PCSK5: variants seen among roughly 807,000 people sequenced by gnomAD.
The protein encoded by PCSK5 is proprotein convertase subtilisin/kexin type 5, also known as prohormone convertase 5.
PCSK5 carries 129 observed loss-of-function variants against 233.2 expected under a neutral mutation model. The observed-to-expected ratio is 0.55, with a 90% CI of 0.48 to 0.64. PCSK5 has a LOEUF of 0.64. Among genes scored for constraint, PCSK5 ranks in the 30% least tolerant of loss-of-function variants. The probability of loss-of-function intolerance (pLI) is 0.00; values close to 1 mark genes in which losing one functional copy is unlikely to be tolerated. For missense variants in PCSK5, 2,076 were observed against 2,430.1 expected, an observed-to-expected ratio of 0.85 and a Z score of 3.06; for synonymous variants, 825 against 879.2, an observed-to-expected ratio of 0.94 and a Z score of 1.09.
chr9:76,199,267 G>A (rs1205176610), intron 20 of PCSK5, among the ~76,000 whole-genome samples: 5 of 152,160 alleles, frequency 3.3e-5, no homozygotes, highest in Admixed American at 1.3e-4. Flanking sequence ...GCATGTTACC[G>A]TACTGAATAC....
chr9:76,046,170 T>G (rs904647138), intron 5 of PCSK5, among the ~76,000 whole-genome samples: 14 of 73,226 alleles, frequency 1.9e-4, no homozygotes, highest in South Asian at 9.7e-4. Context: ...GTTTTTTTTT[T>G]TTTTTTTTTT....
intron 24 of PCSK5, among the ~76,000 whole-genome samples, chr9:76,272,922 C>T (rs574919934): frequency 6.6e-6 from 1 of 151,880 alleles, no homozygotes; most frequent in East Asian, 1.9e-4. Context: ...ACTTCTTACT[C>T]TAGCTACCCC....
chr9:76,214,055 G>A (rs868581580), intron 20 of PCSK5, among the ~76,000 whole-genome samples: 2 of 152,116 alleles, frequency 1.3e-5, no homozygotes, highest in Non-Finnish European at 2.9e-5. Context: ...CCTGTCCTCG[G>A]GGAAGAGTAT....
chr9:76,282,505 A>C (rs1827914076), intron 24 of PCSK5, among the ~76,000 whole-genome samples: 1 of 148,568 alleles, frequency 6.7e-6, no homozygotes, highest in African/African-American at 2.5e-5. Flanking sequence ...TTTTGTAGAA[A>C]TAGAGTCTCC....
intron 1 of PCSK5, among the ~76,000 whole-genome samples, chr9:75,894,761 T>C (rs922798793): frequency 6.6e-6 from 1 of 152,198 alleles, no homozygotes; most frequent in African/African-American, 2.4e-5. Flanking sequence ...CCTATTGACC[T>C]GCACGGGAAT....
intron 2 of PCSK5, among the ~76,000 whole-genome samples, chr9:75,965,444 G>C (rs936969771): frequency 6.6e-6 from 1 of 152,194 alleles, no homozygotes; most frequent in African/African-American, 2.4e-5. Context: ...CTGAGAACCA[G>C]GGGAGCCACT....
At chr9:75,938,884 A>G (rs972620434) in intron 2 of PCSK5, among the ~76,000 whole-genome samples, 1 of 152,170 alleles carries the variant, frequency 6.6e-6, no homozygotes, top group Non-Finnish European at 1.5e-5. Context: ...GGTTTGGACC[A>G]TGTGAAATGG....
chr9:76,237,463 C>A (rs956878719), intron 22 of PCSK5, among the ~76,000 whole-genome samples: 5 of 151,806 alleles, frequency 3.3e-5, no homozygotes, highest in Non-Finnish European at 7.4e-5. Context: ...AATCCAAAAG[C>A]ATGTTTTAAA....
At chr9:76,298,548 A>G (rs1828512187) in intron 27 of PCSK5, among the ~76,000 whole-genome samples, 1 of 152,204 alleles carries the variant, frequency 6.6e-6, no homozygotes, top group African/African-American at 2.4e-5. Context: ...TTCCCCCAGC[A>G]TAGTGTAAGC....
At chr9:76,155,281 C>A (rs927266027) in intron 10 of PCSK5, among the ~76,000 whole-genome samples, 97 of 152,140 alleles carry the variant, frequency 6.4e-4, no homozygotes, top group African/African-American at 2.2e-3. Flanking sequence ...ATAACATCCC[C>A]AAACAAGGAA....
intron 20 of PCSK5, among the ~76,000 whole-genome samples, chr9:76,219,906 A>ATT (rs1825667793): frequency 6.6e-6 from 1 of 152,200 alleles, no homozygotes; most frequent in East Asian, 1.9e-4. Flanking sequence ...TAAAACTTAG[A>ATT]TATCGCCTCA....
chr9:76,204,794 A>T (rs1825048771), intron 20 of PCSK5, among the ~76,000 whole-genome samples: 1 of 152,208 alleles, frequency 6.6e-6, no homozygotes, highest in African/African-American at 2.4e-5. Flanking sequence ...ACCGTGGCAC[A>T]GTTGAAGAGG....
At chr9:75,922,757 G>A (rs1823308721) in intron 1 of PCSK5, among the ~76,000 whole-genome samples, 1 of 152,152 alleles carries the variant, frequency 6.6e-6, no homozygotes, top group South Asian at 2.1e-4. Context: ...TTGCTTTGAG[G>A]CAAATCTCAT....
chr9:76,340,880 T>C (rs1829814732), intron 35 of PCSK5, among the ~76,000 whole-genome samples: 1 of 151,666 alleles, frequency 6.6e-6, no homozygotes, highest in South Asian at 2.1e-4. Context: ...ACCCATCTAT[T>C]TTTTTTGTTT....
At chr9:76,297,231 C>T (rs1469623548) in intron 27 of PCSK5, among the ~76,000 whole-genome samples, 1 of 152,180 alleles carries the variant, frequency 6.6e-6, no homozygotes, top group Non-Finnish European at 1.5e-5. Context: ...ACAGGCATGT[C>T]CTACGTCCTT....
At chr9:76,132,296 C>T (rs1038597066) in intron 9 of PCSK5, among the ~76,000 whole-genome samples, 5 of 152,042 alleles carry the variant, frequency 3.3e-5, no homozygotes, top group African/African-American at 1.2e-4. Flanking sequence ...AACAGCCTGC[C>T]TCCCTTTCTT....
intron 2 of PCSK5, among the ~76,000 whole-genome samples, chr9:75,938,035 G>A (rs1036335072): frequency 1.3e-5 from 2 of 152,172 alleles, no homozygotes; most frequent in Non-Finnish European, 1.5e-5. Flanking sequence ...TCATCTGTGC[G>A]TTCATGAGAG....
intron 5 of PCSK5, among the ~76,000 whole-genome samples, chr9:76,063,531 C>T (rs2131585172): frequency 1.3e-5 from 1 of 78,854 alleles, no homozygotes; most frequent in South Asian, 5.2e-4. Flanking sequence ...GGTGATGACT[C>T]TTAACGAGCA....
chr9:75,998,772 C>T (rs768394981), intron 3 of PCSK5, among the ~76,000 whole-genome samples: 8 of 152,138 alleles, frequency 5.3e-5, no homozygotes, highest in Non-Finnish European at 5.9e-5. Context: ...ATTACCAACT[C>T]AAGGCCAGTA....
Sources: allele counts gnomAD v4.1 joint callset (sites outside exome capture counted in the v4.1 genomes callset), GRCh38; gene constraint gnomAD v4.1.1; transcripts MANE v1.5; gene names NCBI Gene and HGNC (gene_info 2026-07-23, HGNC 2026-07-21).